The following ZSWIM6 variants were observed in gnomAD, a reference collection of about 807,000 sequenced individuals.
ZSWIM6 encodes zinc finger SWIM-type containing 6.
ZSWIM6 carries 9 observed loss-of-function variants against 113.2 expected under a neutral mutation model. The ratio of observed to expected loss-of-function variants is 0.08; its 90% confidence interval spans 0.05 to 0.14. The LOEUF is 0.14. Among genes scored for constraint, ZSWIM6 ranks in the 10% least tolerant of loss-of-function variants. The pLI, the probability that ZSWIM6 is intolerant of heterozygous loss-of-function variation, is 1.00. For missense variants in ZSWIM6, 1,162 were observed against 1,552.2 expected (o/e 0.75, Z 4.22); for synonymous variants, 611 against 606.5 (o/e 1.01, Z -0.11).
At chr5:61,391,867 GAC>G in intron 1 of ZSWIM6, 1 of 669,694 alleles carries the variant, frequency 1.5e-6, no homozygotes, top group Non-Finnish European at 2.6e-6. Context: ...CCTTCTGTGA[GAC>G]ATCATGCCAT....
At chr5:61,473,285 T>A (rs1470139551) in intron 2 of ZSWIM6, among the ~76,000 whole-genome samples, 1 of 152,200 alleles carries the variant, frequency 6.6e-6, no homozygotes, top group Non-Finnish European at 1.5e-5. Context: ...TCCTTTAAAT[T>A]TGTCACATTT....
At chr5:61,542,698 T>C (rs1371175544) in intron 13 of ZSWIM6, among the ~76,000 whole-genome samples, 1 of 152,184 alleles carries the variant, frequency 6.6e-6, no homozygotes, top group Admixed American at 6.5e-5. Context: ...AAAGGGAAGC[T>C]GGTCTCAATA....
chr5:61,483,896 A>AATAT (rs1747946460), intron 2 of ZSWIM6, among the ~76,000 whole-genome samples: 1 of 150,394 alleles, frequency 6.6e-6, no homozygotes, highest in Non-Finnish European at 1.5e-5. Flanking sequence ...TAAATAAATA[A>AATAT]ATAAAATAAA....
chr5:61,412,372 T>G (rs1746165017), intron 1 of ZSWIM6, among the ~76,000 whole-genome samples: 1 of 152,160 alleles, frequency 6.6e-6, no homozygotes, highest in South Asian at 2.1e-4. Flanking sequence ...GACTGATAGC[T>G]CAGGTGTAGT....
chr5:61,416,162 C>T (rs1416916136), intron 1 of ZSWIM6, among the ~76,000 whole-genome samples: 3 of 152,142 alleles, frequency 2.0e-5, no homozygotes, highest in South Asian at 2.1e-4. Context: ...CTGAATTAAT[C>T]CAGATTCTTG....
chr5:61,511,870 A>T (rs372448758), intron 4 of ZSWIM6, among the ~76,000 whole-genome samples: 2 of 152,184 alleles, frequency 1.3e-5, no homozygotes, highest in East Asian at 3.8e-4. Flanking sequence ...ATGATTGTAA[A>T]GCCCTAAATA....
chr5:61,490,558 C>A (rs779523284), intron 2 of ZSWIM6, among the ~76,000 whole-genome samples: 18 of 151,952 alleles, frequency 1.2e-4, no homozygotes, highest in Non-Finnish European at 2.5e-4. Context: ...AGTCTCTGAA[C>A]CTAAAAAATA....
chr5:61,334,936 C>A (rs1283397867), intron 1 of ZSWIM6, among the ~76,000 whole-genome samples: 3 of 151,480 alleles, frequency 2.0e-5, no homozygotes, highest in African/African-American at 7.3e-5. Context: ...CTTGACTCCG[C>A]TTGCAAGCAA....
chr5:61,405,568 A>T (rs1241920165), intron 1 of ZSWIM6, among the ~76,000 whole-genome samples: 1 of 152,188 alleles, frequency 6.6e-6, no homozygotes, highest in African/African-American at 2.4e-5. Flanking sequence ...TTTGCATTAG[A>T]GATTGGTATT....
intron 1 of ZSWIM6, among the ~76,000 whole-genome samples, chr5:61,450,927 A>G (rs955265061): frequency 2.0e-5 from 3 of 152,130 alleles, no homozygotes; most frequent in Non-Finnish European, 2.9e-5. Context: ...TTTCTTTATT[A>G]AATTGAGGTT....
At chr5:61,395,885 A>C (rs1745826770) in intron 1 of ZSWIM6, among the ~76,000 whole-genome samples, 1 of 152,008 alleles carries the variant, frequency 6.6e-6, no homozygotes, top group African/African-American at 2.4e-5. Context: ...TGGGCTGTTG[A>C]CTTTGAATAC....
chr5:61,374,161 A>G (rs1745321400), intron 1 of ZSWIM6, among the ~76,000 whole-genome samples: 1 of 152,230 alleles, frequency 6.6e-6, no homozygotes, highest in Non-Finnish European at 1.5e-5. Flanking sequence ...AAAACAGTCC[A>G]TAAAATAAAC....
intron 1 of ZSWIM6, among the ~76,000 whole-genome samples, chr5:61,338,292 CTAAA>C (rs1343895186): frequency 6.6e-5 from 10 of 151,932 alleles, no homozygotes; most frequent in Non-Finnish European, 1.2e-4. Flanking sequence ...CTAGAGATCA[CTAAA>C]TAAAGACGAT....
At chr5:61,533,205 G>A (rs1413736168) in intron 9 of ZSWIM6, among the ~76,000 whole-genome samples, 1 of 152,236 alleles carries the variant, frequency 6.6e-6, no homozygotes, top group African/African-American at 2.4e-5. Flanking sequence ...CCCACAAAGA[G>A]TGAATAGGTG....
intron 1 of ZSWIM6, among the ~76,000 whole-genome samples, chr5:61,336,924 A>G (rs1744411700): frequency 6.6e-6 from 1 of 152,230 alleles, no homozygotes; most frequent in Non-Finnish European, 1.5e-5. Flanking sequence ...AATGGGCAGC[A>G]CATTTCAGAG....
intron 1 of ZSWIM6, among the ~76,000 whole-genome samples, chr5:61,440,083 C>T (rs1030847934): frequency 6.6e-6 from 1 of 151,568 alleles, no homozygotes; most frequent in Non-Finnish European, 1.5e-5. Flanking sequence ...AGAGTGGAAA[C>T]TATACCACAG....
chr5:61,425,392 G>A (rs1053585472), intron 1 of ZSWIM6, among the ~76,000 whole-genome samples: 1 of 152,306 alleles, frequency 6.6e-6, no homozygotes, highest in Admixed American at 6.5e-5. Context: ...AATAAATGCT[G>A]CAGGGCTGGC....
At chr5:61,527,288 CTG>C (rs889334790) in intron 7 of ZSWIM6, among the ~76,000 whole-genome samples, 3 of 152,120 alleles carry the variant, frequency 2.0e-5, no homozygotes, top group Admixed American at 6.5e-5. Flanking sequence ...CGTTTTCACT[CTG>C]TGATTTTATT....
At chr5:61,526,766 G>A (rs770344007) in intron 7 of ZSWIM6, among the ~76,000 whole-genome samples, 5 of 152,046 alleles carry the variant, frequency 3.3e-5, no homozygotes, top group South Asian at 2.1e-4. Context: ...CTTGAATCCC[G>A]GCAATCCTAA....
Sources: gnomAD v4.1 joint callset for allele counts (sites outside exome capture counted in the v4.1 genomes callset) on GRCh38, gnomAD v4.1.1 for gene constraint, MANE v1.5 for transcripts, NCBI Gene and HGNC (gene_info 2026-07-23, HGNC 2026-07-21) for gene names.